The following APBA1 variants were observed in gnomAD, a reference collection of about 807,000 sequenced individuals.
APBA1 encodes amyloid-beta A4 precursor protein-binding family A member 1.
Under a neutral mutation model 86.6 loss-of-function variants are expected in APBA1, and 55 were observed. That is an observed-to-expected ratio of 0.64 (90% CI 0.51 to 0.80). APBA1 has a LOEUF of 0.80. Among genes scored for constraint, APBA1 ranks in the 30% least tolerant of loss-of-function variants. APBA1 has a pLI of 0.00. For synonymous variants in APBA1, 511 were observed against 493.9 expected, an observed-to-expected ratio of 1.03 and a Z score of -0.46; for missense variants, 1,090 against 1,183.0, an observed-to-expected ratio of 0.92 and a Z score of 1.15.
chr9:69,506,488 G>A lies in APBA1; in HGVS notation c.1200+9523C>T, dbSNP rs1479198489. ...AACTGCAAGGCAGCAGCGAGGCTCG[G>A]GGAGGGGCGCCCGCCATTGCCCGGG... On this transcript the variant is annotated intron_variant, in intron 2 of 12. Transcript: ENST00000265381. Among the ~76,000 whole-genome samples the A allele has an allele frequency of 6.6e-4, 52 of 78,752 alleles. 1 individual carries two copies. The East Asian group carries it at 0.017, about 25-fold the overall frequency. The allele number at this position is 78,752 out of a possible 152,430, so 51.7% of individuals were successfully genotyped here.
intron 1 of APBA1, among the ~76,000 whole-genome samples, chr9:69,626,308 T>A (rs912447556): frequency 7.1e-6 from 1 of 139,946 alleles, no homozygotes; most frequent in Non-Finnish European, 1.6e-5. Flanking sequence ...TAAACTGTCT[T>A]GTTGTTGTTA....
At chr9:69,633,729 C>T (rs1823097496) in intron 1 of APBA1, among the ~76,000 whole-genome samples, 1 of 152,162 alleles carries the variant, frequency 6.6e-6, no homozygotes, top group Admixed American at 6.5e-5. Flanking sequence ...ACTACTGCTC[C>T]TTTTCTAAGC....
In APBA1 at chr9:69,456,237, C is replaced by A; in HGVS notation, c.1788+10G>T. 1 of 1,614,152 alleles carries A rather than the reference C, an allele frequency of 6.2e-7. No homozygotes were observed. The highest frequency in any genetic ancestry group is 8.5e-7 in the Non-Finnish European group (1 of 1,179,990). ...TAACCCAAAAGGAGATCAAAGGAAG[C>A]AACCCTTACATCCTCAGACTCGAAG... On this transcript the variant is annotated intron_variant, in intron 8 of 12. Coordinates refer to ENST00000265381, the MANE Select transcript of APBA1 (RefSeq NM_001163.4).
chr9:69,605,022 C>A (rs1185025803), intron 1 of APBA1, among the ~76,000 whole-genome samples: 1 of 152,138 alleles, frequency 6.6e-6, no homozygotes, highest in African/African-American at 2.4e-5. Context: ...CTTAAACATG[C>A]CAATTCGGTT....
chr9:69,602,198 A>G (rs1245947297), intron 1 of APBA1, among the ~76,000 whole-genome samples: 1 of 152,224 alleles, frequency 6.6e-6, no homozygotes, highest in Non-Finnish European at 1.5e-5. Flanking sequence ...TGTATAATTC[A>G]GTGGTTTTTA....
chr9:69,501,629 AACACACACACAC>A (rs57033911), intron 2 of APBA1, among the ~76,000 whole-genome samples: 55,979 of 141,998 alleles, frequency 0.39, 11,443 homozygotes, highest in Non-Finnish European at 0.46. Context: ...GTCTCTACAA[AACACACACACAC>A]ACACACACAC....
At position 69,560,067 on chromosome 9, in the gene APBA1, T is replaced by G. The variant is rs1836924768; in HGVS notation, c.-69-42788A>C. 2.6e-5 allele frequency among the ~76,000 whole-genome samples: 4 copies of G among 152,130 alleles called. No homozygotes were observed. The South Asian group carries it at 8.3e-4, about 32-fold the overall frequency. On this transcript the variant is annotated intron_variant, in intron 1 of 12. Coordinates refer to ENST00000265381, the MANE Select transcript of APBA1 (RefSeq NM_001163.4). ...GTCAGCAATATATGGGGATTAAGTT[T>G]TAGCTCCCTGCTTGCCCAGGTTTAG... is the stretch of plus-strand genomic sequence containing the variant.
chr9:69,582,930 C>T (rs1303767434), intron 1 of APBA1, among the ~76,000 whole-genome samples: 5 of 152,090 alleles, frequency 3.3e-5, no homozygotes. Context: ...AAAATACAAC[C>T]AGCTTTGTAG....
intron 1 of APBA1, among the ~76,000 whole-genome samples, chr9:69,573,165 T>A (rs1039543341): frequency 1.3e-5 from 2 of 151,808 alleles, no homozygotes; most frequent in Admixed American, 6.6e-5. Context: ...TCAAAAAAAA[T>A]AAATAAATAA....
At chr9:69,512,576 A>G (rs1836068508) in intron 2 of APBA1, among the ~76,000 whole-genome samples, 1 of 152,222 alleles carries the variant, frequency 6.6e-6, no homozygotes, top group Non-Finnish European at 1.5e-5. Flanking sequence ...CCATAATCAC[A>G]GTGAGATACC....
intron 4 of APBA1, among the ~76,000 whole-genome samples, chr9:69,468,610 T>C (rs982975821): frequency 1.3e-5 from 2 of 152,256 alleles, no homozygotes; most frequent in African/African-American, 4.8e-5. Context: ...TCTTGTTCAC[T>C]TACAGGTTAT....
intron 1 of APBA1, among the ~76,000 whole-genome samples, chr9:69,559,499 TC>T (rs1350062512): frequency 3.3e-5 from 5 of 152,240 alleles, no homozygotes; most frequent in African/African-American, 9.6e-5. Flanking sequence ...GTGTCTGGGT[TC>T]TTTCACTGAA....
rs1455411039 is a variant in APBA1, at chr9:69,588,040, A to AG, written c.-69-70762_-69-70761insC. 1.9e-4 allele frequency among the ~76,000 whole-genome samples: 29 copies of AG among 151,176 alleles called. 1 individual carries two copies. The highest frequency in any genetic ancestry group is 4.6e-4 in the Admixed American group (7 of 15,178). The stretch of plus-strand genomic sequence containing the variant: ...GACTCTGTCTCAAAAAAAAAAAAAA[A>AG]AAAGAAAGAAAAAGAAAGAAACTGG... On this transcript the variant is annotated intron_variant, in intron 1 of 12. Transcript: ENST00000265381.
intron 1 of APBA1, among the ~76,000 whole-genome samples, chr9:69,639,907 T>G (rs1299224971): frequency 1.3e-5 from 2 of 152,118 alleles, no homozygotes; most frequent in Non-Finnish European, 2.9e-5. Context: ...CCAAAAATCA[T>G]CTAAATGGAG....
chr9:69,492,925 G>T (rs4744569), intron 2 of APBA1, among the ~76,000 whole-genome samples: 2 of 151,970 alleles, frequency 1.3e-5, no homozygotes, highest in Admixed American at 1.3e-4. Flanking sequence ...AAAAATTACA[G>T]AGTTTTGCCA....
At chr9:69,468,792 T>C (rs1421506069) in intron 4 of APBA1, among the ~76,000 whole-genome samples, 1 of 152,260 alleles carries the variant, frequency 6.6e-6, no homozygotes, top group Non-Finnish European at 1.5e-5. Context: ...GTGTCTGTGA[T>C]TAATATATAA....
At chr9:69,655,193 G>A (rs1326360480) in intron 1 of APBA1, among the ~76,000 whole-genome samples, 2 of 152,116 alleles carry the variant, frequency 1.3e-5, no homozygotes, top group African/African-American at 4.8e-5. Flanking sequence ...TCAACATCAT[G>A]CTGGAAGTCC....
intron 1 of APBA1, among the ~76,000 whole-genome samples, chr9:69,667,463 C>T (rs541044919): frequency 2.0e-5 from 3 of 151,970 alleles, no homozygotes. Flanking sequence ...CTGGCTTCAA[C>T]CTGCCCACCT....
chr9:69,634,227 G>A (rs1823109684), intron 1 of APBA1, among the ~76,000 whole-genome samples: 1 of 152,170 alleles, frequency 6.6e-6, no homozygotes. Context: ...CTGAGCTTAG[G>A]AGAGGGAGAA....
Sources: allele counts gnomAD v4.1 joint callset (sites outside exome capture counted in the v4.1 genomes callset), GRCh38; gene constraint gnomAD v4.1.1; transcripts MANE v1.5; gene names NCBI Gene and HGNC (gene_info 2026-07-23, HGNC 2026-07-21).